Variants in PIGQ observed in about 807,000 individuals in gnomAD.
The protein encoded by PIGQ is phosphatidylinositol glycan anchor biosynthesis class Q, also known as phosphatidylinositol N-acetylglucosaminyltransferase subunit Q.
Under a neutral mutation model 60.3 loss-of-function variants are expected in PIGQ, and 54 were observed. The observed-to-expected ratio is 0.90, with a 90% CI of 0.72 to 1.12. PIGQ has a LOEUF of 1.12. Among genes scored for constraint, PIGQ ranks in the 50% most tolerant of loss-of-function variants. PIGQ has a pLI of 0.00. For synonymous variants in PIGQ, 416 were observed against 363.7 expected (o/e 1.14, Z -1.64); for missense variants, 799 against 793.5 (o/e 1.01, Z -0.08).
At chr16:581,580 A>C (rs1192829426) in intron 9 of PIGQ, among the ~76,000 whole-genome samples, 1 of 151,326 alleles carries the variant, frequency 6.6e-6, no homozygotes, top group African/African-American at 2.4e-5. Flanking sequence ...CTCCTGCCTC[A>C]GCCTCCCGAG....
chr16:574,839 G>GCCTCTGTGCC, intron 2 of PIGQ, 76 bp downstream of exon 2: 1 of 1,173,592 alleles, frequency 8.5e-7, no homozygotes, highest in Non-Finnish European at 1.2e-6. Context: ...TCTGCAGTGG[G>GCCTCTGTGCC]CACAGAGGCC....
intron 1 of PIGQ, among the ~76,000 whole-genome samples, chr16:573,484 G>T (rs1234947226): frequency 2.0e-5 from 3 of 152,210 alleles, no homozygotes; most frequent in African/African-American, 7.2e-5. Flanking sequence ...GGGCTTGTGG[G>T]AGGCAGGGAC....
chr16:576,576 T>A, intron 4 of PIGQ: 2 of 514,740 alleles, frequency 3.9e-6, no homozygotes, highest in Admixed American at 3.6e-5. Flanking sequence ...GAGATCAGCG[T>A]TGCCCTCCTG....
Position 582,315 on chromosome 16 carries a change from G to A in PIGQ, c.1593+6G>A, listed in dbSNP as rs770486754. 9 of 1,589,386 alleles carry A rather than the reference G, an allele frequency of 5.7e-6. No individual in the cohort carries two copies. Among genetic ancestry groups the A allele is most frequent in the Non-Finnish European group, 7.7e-6 (9 of 1,165,064 alleles). On this transcript the variant is annotated splice_donor_region_variant and intron_variant, in intron 10 of 10. Transcript: ENST00000321878. ...CCCTCCGCCTCCTGATGCAGGTGAG[G>A]CCCCTTGTGGCCAGGACGCCCCTAC... is the stretch of plus-strand genomic sequence containing the variant.
intron 10 of PIGQ, chr16:582,676 G>C (rs558910565): frequency 1.6e-6 from 1 of 641,036 alleles, no homozygotes; most frequent in South Asian, 1.9e-5. Flanking sequence ...AGCCCCGAGG[G>C]GAGATGCAGC....
intron 3 of PIGQ, 44 bp downstream of exon 3, chr16:576,014 C>A: frequency 6.4e-7 from 1 of 1,556,142 alleles, no homozygotes; most frequent in East Asian, 2.4e-5. Flanking sequence ...TGCGTGCCCT[C>A]TGGCCCCTTC....
intron 1 of PIGQ, chr16:572,531 C>G (rs143838061): frequency 2.2e-6 from 1 of 456,102 alleles, no homozygotes; most frequent in East Asian, 7.0e-5. Flanking sequence ...CACACCACCC[C>G]GACGTGTGCA....
At chr16:574,822 C>G in intron 2 of PIGQ, 59 bp downstream of exon 2, 1 of 1,312,888 alleles carries the variant, frequency 7.6e-7, no homozygotes, top group Non-Finnish European at 1.0e-6. Context: ...GCTGGCCCAT[C>G]CCTTTGTCTG....
chr16:570,037 T>C lies in PIGQ; in HGVS notation c.-69T>C, dbSNP rs1188989191. 6.7e-6 allele frequency: 1 copy of C among 149,592 alleles called. No homozygotes were observed. The highest frequency in any genetic ancestry group is 1.9e-4 in the East Asian group (1 of 5,146). The allele number at this position is 149,592 out of a possible 1,614,324, so 9.3% of individuals were successfully genotyped here. On this transcript the variant is annotated 5_prime_UTR_variant, in exon 1 of 11. Transcript: ENST00000321878. Reference sequence around the variant, plus strand: ...GCCGTCGTCTGCCCGGGCCCGCCCATCGGGGTCCCCAACCCCATCCGGACC... The same window carrying C: ...GCCGTCGTCTGCCCGGGCCCGCCCACCGGGGTCCCCAACCCCATCCGGACC...
chr16:576,393 C>A, intron 4 of PIGQ, 139 bp downstream of exon 4: 1 of 1,060,356 alleles, frequency 9.4e-7, no homozygotes, highest in South Asian at 1.6e-5. Context: ...CGGCCCTCCC[C>A]TGAACCAGAA....
At chr16:571,952 C>T (rs1026541171) in intron 1 of PIGQ, among the ~76,000 whole-genome samples, 24 of 151,976 alleles carry the variant, frequency 1.6e-4, no homozygotes, top group Non-Finnish European at 1.9e-4. Context: ...ACAAAGAAAG[C>T]GCACAGATCG....
At position 578,878 on chromosome 16, in the gene PIGQ, T is replaced by A. The variant is rs1324329482; in HGVS notation, c.1163T>A (p.Leu388His). ...CLGLTVALSL[L>H]SDIIALLTFH... is the part of the protein sequence containing the mutation. Reference sequence around the variant, plus strand: ...GGCCTGACGGTGGCCCTGTCCCTCCTCTCGGACATTATCGCCCTCCTCACC... The same window carrying A: ...GGCCTGACGGTGGCCCTGTCCCTCCACTCGGACATTATCGCCCTCCTCACC... The change falls in exon 6 of 11, where the codon CTC becomes CAC. Residue 388 changes from leucine to histidine, a missense_variant. By Grantham distance (99) the Leu-to-His change is moderately conservative. Coordinates refer to ENST00000321878, the MANE Select transcript of PIGQ (RefSeq NM_004204.5). 1.9e-6 allele frequency: 3 copies of A among 1,613,656 alleles called. No homozygotes were observed. The South Asian group carries it at 3.3e-5, about 18-fold the overall frequency.
At chr16:578,210 C>T (rs1373336948) in intron 4 of PIGQ, 169 bp from the exon 5 acceptor site, 1 of 641,176 alleles carries the variant, frequency 1.6e-6, no homozygotes, top group East Asian at 2.9e-5. Context: ...AGACCCCAAT[C>T]CCGGAGCCAT....
chr16:578,592 C>T, intron 5 of PIGQ, 87 bp downstream of exon 5: 1 of 1,487,946 alleles, frequency 6.7e-7, no homozygotes, highest in Non-Finnish European at 9.2e-7. Flanking sequence ...CCCTGTGCCC[C>T]CAACTCTGCT....
intron 9 of PIGQ, 184 bp downstream of exon 9, chr16:581,156 C>A (rs2035803566): frequency 6.8e-7 from 1 of 1,462,194 alleles, no homozygotes; most frequent in African/African-American, 1.4e-5. Flanking sequence ...CCAGCTGCCT[C>A]CAGGGAGGTG....
At chr16:572,598 CCTGGT>C in intron 1 of PIGQ, 1 of 452,906 alleles carries the variant, frequency 2.2e-6, no homozygotes, top group Non-Finnish European at 4.4e-6. Flanking sequence ...CTCCAGGCAT[CCTGGT>C]CTGTTCCCTC....
At chr16:582,472 C>T in intron 10 of PIGQ, 163 bp downstream of exon 10, 1 of 605,116 alleles carries the variant, frequency 1.7e-6, no homozygotes, top group Admixed American at 3.0e-5. Context: ...ACCCCCTCCC[C>T]CTTACCCCCA....
chr16:574,954 C>T (rs1447430404), intron 2 of PIGQ, among the ~76,000 whole-genome samples, 191 bp downstream of exon 2: 1 of 152,188 alleles, frequency 6.6e-6, no homozygotes, highest in Non-Finnish European at 1.5e-5. Flanking sequence ...GTCCCTCACC[C>T]CTGGGGTAGA....
chr16:578,767 C>A lies in PIGQ; in HGVS notation c.1070-18C>A. 1 of 1,610,752 alleles carries A rather than the reference C, an allele frequency of 6.2e-7. No homozygotes were observed. The highest frequency in any genetic ancestry group is 1.1e-5 in the South Asian group (1 of 90,890). Reference sequence around the variant, plus strand: ...CTGGGGTCTGAGCGCCTCCTGAGGGCCTACCCCACCCTGCCAGGCTACATC... The same window carrying A: ...CTGGGGTCTGAGCGCCTCCTGAGGGACTACCCCACCCTGCCAGGCTACATC... On this transcript the variant is annotated intron_variant, in intron 5 of 10. Coordinates refer to ENST00000321878, the MANE Select transcript of PIGQ (RefSeq NM_004204.5).
Sources: gnomAD v4.1 joint callset for allele counts (sites outside exome capture counted in the v4.1 genomes callset) on GRCh38, gnomAD v4.1.1 for gene constraint, MANE v1.5 for transcripts, NCBI Gene and HGNC (gene_info 2026-07-23, HGNC 2026-07-21) for gene names.